The following TBC1D13 variants were observed in gnomAD, a reference collection of about 807,000 sequenced individuals.
TBC1D13 encodes TBC1 domain family member 13, also known as epididymis secretory sperm binding protein.
A neutral mutation model predicts 53.6 loss-of-function variants in TBC1D13; 40 were observed. The observed-to-expected ratio is 0.75, with a 90% confidence interval of 0.58 to 0.97. TBC1D13 has a LOEUF of 0.97. Among genes scored for constraint, TBC1D13 ranks in the 50% least tolerant of loss-of-function variants. The pLI is 0.00. For synonymous variants in TBC1D13, 182 were observed against 197.7 expected (o/e 0.92, Z 0.67); for missense variants, 377 against 499.4 (o/e 0.75, Z 2.34).
chr9:128,792,718 A>C (rs1829557408), intron 6 of TBC1D13, 144 bp downstream of exon 6: 1 of 703,744 alleles, frequency 1.4e-6, no homozygotes, highest in Non-Finnish European at 2.4e-6. Flanking sequence ...GGGTCCAGGC[A>C]CTATTGATGA....
In TBC1D13 at chr9:128,791,590, G is replaced by A; in HGVS notation, c.201-4G>A. ...GAATCATCCTTCTCACTTGTCTCCT[G>A]CAGGGAGCTGTATGCCCAGTTCCTG... On this transcript the variant is annotated splice_polypyrimidine_tract_variant and splice_region_variant and intron_variant, in intron 4 of 11. Coordinates refer to ENST00000372648, the MANE Select transcript of TBC1D13 (RefSeq NM_018201.5). The A allele has an allele frequency of 6.2e-7, 1 of 1,614,132 alleles. No individual in the cohort carries two copies. Among genetic ancestry groups the A allele is most frequent in the South Asian group, 1.1e-5 (1 of 91,082 alleles).
At chr9:128,792,085 C>A (rs1172457892) in intron 5 of TBC1D13, among the ~76,000 whole-genome samples, 1 of 152,214 alleles carries the variant, frequency 6.6e-6, no homozygotes, top group Non-Finnish European at 1.5e-5. Context: ...TCGATGGGCC[C>A]CAGGCCCAGA....
chr9:128,797,089 G>T lies in TBC1D13; in HGVS notation c.418G>T (p.Ala140Ser). 6.2e-7 allele frequency: 1 copy of T among 1,614,006 alleles called. No homozygotes were observed. The highest frequency in any genetic ancestry group is 8.5e-7 in the Non-Finnish European group (1 of 1,179,982). ...CCCAGACATTTCCTTCTTCCAGAGG[G>T]CCACTGACTACCCTTGCCTCCTCAT... ...LCPDISFFQR[A>S]TDYPCLLILD... Residue 140 changes from alanine to serine, a missense_variant, in exon 7 of 12, where the codon GCC becomes TCC. Physicochemically the swap from Ala to Ser is moderately conservative, Grantham distance 99. Transcript: ENST00000372648.
intron 5 of TBC1D13, among the ~76,000 whole-genome samples, chr9:128,792,109 A>G (rs1261765075): frequency 1.3e-5 from 2 of 152,240 alleles, no homozygotes; most frequent in African/African-American, 4.8e-5. Context: ...ACAGATAGGA[A>G]TTGACGACTC....
intron 1 of TBC1D13, 81 bp downstream of exon 1, chr9:128,787,457 G>T: frequency 8.1e-7 from 1 of 1,232,036 alleles, no homozygotes; most frequent in Non-Finnish European, 1.0e-6. Flanking sequence ...GGGAAGCGCG[G>T]GTGTGGCCAG....
chr9:128,807,360 T>G (rs1012247118), intron 11 of TBC1D13, among the ~76,000 whole-genome samples: 1 of 152,168 alleles, frequency 6.6e-6, no homozygotes, highest in African/African-American at 2.4e-5. Flanking sequence ...GTGCTGAGAT[T>G]ACAGGTGTGA....
chr9:128,796,763 C>G (rs531218845), intron 6 of TBC1D13, among the ~76,000 whole-genome samples: 1 of 151,832 alleles, frequency 6.6e-6, no homozygotes, highest in Non-Finnish European at 1.5e-5. Flanking sequence ...CATGGTGAAA[C>G]TCCATCTCTA....
chr9:128,807,039 T>A (rs1462148714), intron 11 of TBC1D13, among the ~76,000 whole-genome samples: 1 of 151,960 alleles, frequency 6.6e-6, no homozygotes, highest in Non-Finnish European at 1.5e-5. Context: ...TTACAGCATC[T>A]CTGGGTCTCA....
intron 7 of TBC1D13, among the ~76,000 whole-genome samples, chr9:128,800,965 C>T (rs1001990301): frequency 2.0e-5 from 3 of 151,914 alleles, no homozygotes; most frequent in African/African-American, 7.3e-5. Context: ...AGTTTGAGAC[C>T]AGCCTGACCA....
At chr9:128,796,735 C>A (rs1829637136) in intron 6 of TBC1D13, among the ~76,000 whole-genome samples, 1 of 151,728 alleles carries the variant, frequency 6.6e-6, no homozygotes, top group South Asian at 2.1e-4. Flanking sequence ...GTCAGGAGAT[C>A]AAGACCATCC....
Position 128,806,309 on chromosome 9 carries a change from C to T in TBC1D13, c.1135C>T (p.Gln379Ter). The change falls in exon 11 of 12, where the codon CAG becomes TAG. Residue 379 changes from glutamine (Q) to a stop codon, truncating the protein, a stop_gained and splice_region_variant. Transcript: ENST00000372648. LOFTEE classifies it high-confidence loss of function. ...CTTCACTGTGAATATGCGGCTGCTG[C>T]AGGTAATGGGAGTTGGGGGCAGGCT... ...GDFTVNMRLL[Q>*]DYPITDVCQI... 6.2e-7 allele frequency: 1 copy of T among 1,614,058 alleles called. No individual in the cohort carries two copies. The highest frequency in any genetic ancestry group is 8.5e-7 in the Non-Finnish European group (1 of 1,180,030).
chr9:128,806,395 G>A (rs920668522), intron 11 of TBC1D13, 84 bp downstream of exon 11: 1 of 1,513,318 alleles, frequency 6.6e-7, no homozygotes, highest in African/African-American at 1.4e-5. Context: ...GCTGCGACAG[G>A]CTGGGCAGGG....
At chr9:128,792,222 G>T (rs1032511557) in intron 5 of TBC1D13, among the ~76,000 whole-genome samples, 1 of 152,204 alleles carries the variant, frequency 6.6e-6, no homozygotes, top group Admixed American at 6.5e-5. Context: ...CTAGAGCAAC[G>T]GACAGAAAAG....
Position 128,790,737 on chromosome 9 carries a change from A to G in TBC1D13, c.100A>G (p.Ile34Val). Residue 34 changes from isoleucine to valine, a missense_variant and splice_region_variant, in exon 3 of 12, where the codon ATC becomes GTC. By Grantham distance (29) the Ile-to-Val change is conservative. Coordinates refer to ENST00000372648, the MANE Select transcript of TBC1D13 (RefSeq NM_018201.5). ...EKLRELSFSG[I>V]PCEGGLRCLC... ...ACCTTTGCCTGCTGTGTCCACAGGC[A>G]TCCCCTGTGAGGGCGGACTGCGGTG... 3 of 1,552,002 alleles carry G rather than the reference A, an allele frequency of 1.9e-6. No homozygotes were observed. The South Asian group carries it at 3.6e-5, about 19-fold the overall frequency.
intron 7 of TBC1D13, among the ~76,000 whole-genome samples, chr9:128,800,578 C>G: frequency 6.6e-6 from 1 of 151,882 alleles, no homozygotes; most frequent in South Asian, 2.1e-4. Context: ...AGGGTGGTCT[C>G]GAACTCCTGA....
chr9:128,790,718 G>T lies in TBC1D13; in HGVS notation c.98-17G>T. The T allele has an allele frequency of 6.5e-7, 1 of 1,543,602 alleles. No individual in the cohort carries two copies. The highest frequency in any genetic ancestry group is 8.7e-7 in the Non-Finnish European group (1 of 1,152,750). On this transcript the variant is annotated splice_polypyrimidine_tract_variant and intron_variant, in intron 2 of 11. Transcript: ENST00000372648. ...GACTCTGGCCTGGGGCATGACCTTT[G>T]CCTGCTGTGTCCACAGGCATCCCCT...
Position 128,803,244 on chromosome 9 carries a change from C to T in TBC1D13, c.544-6C>T, listed in dbSNP as rs766324109. 9.3e-6 allele frequency: 15 copies of T among 1,613,614 alleles called. No homozygotes were observed. Among genetic ancestry groups the T allele is most frequent in the Admixed American group, 3.3e-5 (2 of 59,988 alleles). On this transcript the variant is annotated splice_region_variant and splice_polypyrimidine_tract_variant and intron_variant, in intron 7 of 11. Coordinates refer to ENST00000372648, the MANE Select transcript of TBC1D13 (RefSeq NM_018201.5). ...TTCTTGATGGGCTCCTCCTCTTCTC[C>T]TCCAGATGAGCTCCCCACACAAGAA...
At chr9:128,787,898 A>G (rs1043794748) in intron 1 of TBC1D13, among the ~76,000 whole-genome samples, 2 of 151,982 alleles carry the variant, frequency 1.3e-5, no homozygotes, top group Non-Finnish European at 2.9e-5. Context: ...TGTAATGGTT[A>G]TATTTGTGAG....
chr9:128,808,220 T>C lies in TBC1D13; in HGVS notation c.*341T>C, dbSNP rs943641351. 2 of 339,658 alleles carry C rather than the reference T, an allele frequency of 5.9e-6. No individual in the cohort carries two copies. Among genetic ancestry groups the C allele is most frequent in the Admixed American group, 3.7e-5 (1 of 26,952 alleles). The allele number at this position is 339,658 out of a possible 1,614,324, so 21.0% of individuals were successfully genotyped here. ...CCGCCCCAGCCTCAGTTCCTGCTTC[T>C]GGTCTTCTCCTGGGCTCCACTCAGG... On this transcript the variant is annotated 3_prime_UTR_variant, in exon 12 of 12. Coordinates refer to ENST00000372648, the MANE Select transcript of TBC1D13 (RefSeq NM_018201.5).
Sources: allele counts gnomAD v4.1 joint callset (sites outside exome capture counted in the v4.1 genomes callset), GRCh38; gene constraint gnomAD v4.1.1; transcripts MANE v1.5; gene names NCBI Gene and HGNC (gene_info 2026-07-23, HGNC 2026-07-21).